PTPRD: variants seen among roughly 807,000 people sequenced by gnomAD.
PTPRD encodes protein tyrosine phosphatase receptor type D.
Under a neutral mutation model 214.5 loss-of-function variants are expected in PTPRD, and 34 were observed. The observed-to-expected ratio is 0.16, with a 90% CI of 0.12 to 0.21. PTPRD has a LOEUF of 0.21. Ranked by LOEUF, PTPRD falls within the 10% of genes least tolerant of loss-of-function variation. The pLI is 1.00. For missense variants in PTPRD, 2,545 were observed against 2,398.7 expected (o/e 1.06, Z -1.27); for synonymous variants, 1,128 against 845.7 (o/e 1.33, Z -5.79).
chr9:10,513,755 C>A (rs1167703608), intron 2 of PTPRD, among the ~76,000 whole-genome samples: 1 of 152,114 alleles, frequency 6.6e-6, no homozygotes, highest in African/African-American at 2.4e-5. Context: ...ATGATTAGGG[C>A]CTCCCTGGCA....
At chr9:8,767,483 T>C (rs2094847933) in intron 11 of PTPRD, among the ~76,000 whole-genome samples, 1 of 152,036 alleles carries the variant, frequency 6.6e-6, no homozygotes, top group South Asian at 2.1e-4. Flanking sequence ...ATATAGGAAC[T>C]CAAAGACACA....
intron 11 of PTPRD, among the ~76,000 whole-genome samples, chr9:8,993,445 C>T (rs146329321): frequency 1.3e-5 from 2 of 152,222 alleles, no homozygotes; most frequent in Non-Finnish European, 2.9e-5. Flanking sequence ...CTTTGTGTAG[C>T]GTTTTTCCCA....
chr9:10,304,309 C>A (rs2095977659), intron 3 of PTPRD, among the ~76,000 whole-genome samples: 1 of 152,112 alleles, frequency 6.6e-6, no homozygotes, highest in African/African-American at 2.4e-5. Context: ...CAATATCATA[C>A]AGAATGGGGA....
chr9:8,759,858 T>A (rs956052069), intron 11 of PTPRD, among the ~76,000 whole-genome samples: 1 of 152,180 alleles, frequency 6.6e-6, no homozygotes, highest in African/African-American at 2.4e-5. Flanking sequence ...TCCCTTGTGC[T>A]GAAACATTAT....
At chr9:8,961,731 T>A (rs2099159866) in intron 11 of PTPRD, among the ~76,000 whole-genome samples, 1 of 152,092 alleles carries the variant, frequency 6.6e-6, no homozygotes, top group Non-Finnish European at 1.5e-5. Flanking sequence ...GAAGCCCAAC[T>A]GTTACTATAA....
intron 11 of PTPRD, among the ~76,000 whole-genome samples, chr9:8,956,069 T>C (rs1015543200): frequency 6.6e-6 from 1 of 151,972 alleles, no homozygotes; most frequent in Non-Finnish European, 1.5e-5. Flanking sequence ...AGCTGAATTA[T>C]GGTGGAAATC....
chr9:10,137,721 A>AAAAAT (rs2098952875), intron 3 of PTPRD, among the ~76,000 whole-genome samples: 1 of 145,662 alleles, frequency 6.9e-6, no homozygotes, highest in African/African-American at 2.5e-5. Context: ...AAAAAAAAAA[A>AAAAAT]GAAATCATAA....
intron 3 of PTPRD, among the ~76,000 whole-genome samples, chr9:10,303,848 G>C (rs761852109): frequency 6.6e-6 from 1 of 152,068 alleles, no homozygotes; most frequent in Non-Finnish European, 1.5e-5. Flanking sequence ...AGAGGAGCTG[G>C]TACCTTTCTT....
intron 2 of PTPRD, among the ~76,000 whole-genome samples, chr9:10,366,566 A>C (rs954791259): frequency 1.5e-4 from 23 of 152,178 alleles, no homozygotes; most frequent in Admixed American, 7.2e-4. Context: ...TAGAACTTTT[A>C]CTGATGTATG....
intron 5 of PTPRD, among the ~76,000 whole-genome samples, chr9:9,809,908 A>G (rs2046602496): frequency 6.6e-6 from 1 of 152,196 alleles, no homozygotes; most frequent in Non-Finnish European, 1.5e-5. Flanking sequence ...AGTTAACAAT[A>G]GAAGCATTTA....
rs2096888315 is a variant in PTPRD, at chr9:8,814,859, T to C, written c.-103-80913A>G. On this transcript the variant is annotated intron_variant, in intron 11 of 45. Transcript: ENST00000381196. The stretch of plus-strand genomic sequence containing the variant: ...CTTAACCTTAATAAGAGGGGAGTAC[T>C]TCCATGGTTGAAACTTGTTTTATTT... Among the ~76,000 whole-genome samples the C allele has an allele frequency of 2.0e-5, 3 of 152,208 alleles. No individual in the cohort carries two copies. In the South Asian group the frequency reaches 6.2e-4, roughly 32 times the overall value.
intron 7 of PTPRD, among the ~76,000 whole-genome samples, chr9:9,639,281 A>G (rs1466638497): frequency 6.6e-6 from 1 of 152,180 alleles, no homozygotes; most frequent in Non-Finnish European, 1.5e-5. Flanking sequence ...TAGTGCTAGC[A>G]TCTAGTTTAG....
Position 9,785,463 on chromosome 9 carries a change from T to C in PTPRD, c.-367-18612A>G, listed in dbSNP as rs113443698. On this transcript the variant is annotated intron_variant, in intron 5 of 45. Coordinates refer to ENST00000381196, the MANE Select transcript of PTPRD (RefSeq NM_002839.4). ...TGAAAAGGACACAACATAGTTTCTG[T>C]AGTCTTTATGCCCAAAATTCAGAAC... Among the ~76,000 whole-genome samples, 294 of 152,228 alleles carry C rather than the reference T, an allele frequency of 1.9e-3. 2 individuals are homozygous for C. The highest frequency in any genetic ancestry group is 6.8e-3 in the African/African-American group (284 of 41,572).
chr9:10,208,384 G>A (rs1329666053), intron 3 of PTPRD, among the ~76,000 whole-genome samples: 20 of 152,084 alleles, frequency 1.3e-4, no homozygotes, highest in Non-Finnish European at 2.6e-4. Flanking sequence ...CGTGGTGGCG[G>A]GCGCCTGTAG....
chr9:10,031,743 G>A (rs1375116598), intron 4 of PTPRD, among the ~76,000 whole-genome samples: 1 of 150,130 alleles, frequency 6.7e-6, no homozygotes, highest in Non-Finnish European at 1.5e-5. Context: ...AGTTGTGCCA[G>A]CAGAGCCTAT....
intron 4 of PTPRD, among the ~76,000 whole-genome samples, chr9:10,005,458 G>C (rs1567041925): frequency 6.6e-6 from 1 of 152,100 alleles, no homozygotes; most frequent in Non-Finnish European, 1.5e-5. Flanking sequence ...TGGACAAGTA[G>C]CAGAACATTG....
chr9:10,157,600 T>C (rs1055155039), intron 3 of PTPRD, among the ~76,000 whole-genome samples: 1 of 152,140 alleles, frequency 6.6e-6, no homozygotes, highest in South Asian at 2.1e-4. Context: ...GGGAATCTGA[T>C]AATTATGTGA....
intron 3 of PTPRD, among the ~76,000 whole-genome samples, chr9:10,299,422 G>T (rs1004112715): frequency 6.6e-6 from 1 of 152,112 alleles, no homozygotes; most frequent in Non-Finnish European, 1.5e-5. Flanking sequence ...TAAACTAGCT[G>T]CATGATTATG....
intron 2 of PTPRD, among the ~76,000 whole-genome samples, chr9:10,539,854 T>C (rs547639941): frequency 6.6e-6 from 1 of 152,176 alleles, no homozygotes; most frequent in South Asian, 2.1e-4. Context: ...ATCATCAATC[T>C]TGACATCTCA....
Sources: allele counts gnomAD v4.1 joint callset (sites outside exome capture counted in the v4.1 genomes callset), GRCh38; gene constraint gnomAD v4.1.1; transcripts MANE v1.5; gene names NCBI Gene and HGNC (gene_info 2026-07-23, HGNC 2026-07-21).